CHRAC1: variants seen among roughly 807,000 people sequenced by gnomAD.
CHRAC1 encodes the protein chromatin accessibility complex subunit 1.
Under a neutral mutation model 9.1 loss-of-function variants are expected in CHRAC1, and 6 were observed. The observed-to-expected ratio is 0.66, with a 90% CI of 0.36 to 1.29. The LOEUF (loss-of-function observed/expected upper bound fraction) is 1.29. CHRAC1 is among the 50% of genes most tolerant of loss of function. The pLI is 0.03. For synonymous variants in CHRAC1, 73 were observed against 64.5 expected (o/e 1.13, Z -0.63); for missense variants, 168 against 163.5 (o/e 1.03, Z -0.15).
At chr8:140,511,785 G>A in intron 1 of CHRAC1, 139 bp downstream of exon 1, 3 of 905,704 alleles carry the variant, frequency 3.3e-6, no homozygotes, top group Admixed American at 2.8e-5. Context: ...CGCTGTCCCC[G>A]TCCCACGCCG....
chr8:140,511,340 T>C lies in CHRAC1; in HGVS notation c.-160T>C, dbSNP rs1026205572. The C allele has an allele frequency of 3.8e-5, 20 of 527,524 alleles. No individual in the cohort carries two copies. Among genetic ancestry groups the C allele is most frequent in the Non-Finnish European group, 5.2e-5 (18 of 346,192 alleles). The allele number at this position is 527,524 out of a possible 1,614,324, so 32.7% of individuals were successfully genotyped here. A position where few individuals can be genotyped will look rare whatever the true frequency, so the allele number is the denominator to read the frequency against. On this transcript the variant is annotated 5_prime_UTR_variant, in exon 1 of 3. Transcript: ENST00000220913. ...GCGAGGCCTCACGGAGCTCGTAGTTTCCCGGACGGGCCGCTCCCGGCCTCG... is the reference window on the plus strand; with the variant it reads ...GCGAGGCCTCACGGAGCTCGTAGTTCCCCGGACGGGCCGCTCCCGGCCTCG...
At chr8:140,512,063 C>T (rs1000079419) in intron 1 of CHRAC1, 1 of 1,266,824 alleles carries the variant, frequency 7.9e-7, no homozygotes, top group Non-Finnish European at 1.0e-6. Flanking sequence ...TTTCGTCCCT[C>T]CCACCTGTGC....
At chr8:140,515,052 A>T (rs2072319261) in intron 2 of CHRAC1, 74 bp from the exon 3 acceptor site, 5 of 1,437,270 alleles carry the variant, frequency 3.5e-6, no homozygotes, top group Non-Finnish European at 4.8e-6. Context: ...AGGAACTAGT[A>T]CATTTTGAAA....
At position 140,515,893 on chromosome 8, in the gene CHRAC1, A is replaced by T. The variant is rs2072330352; in HGVS notation, c.*646A>T. 1 of 152,206 alleles carries T rather than the reference A, an allele frequency of 6.6e-6. No homozygotes were observed. The highest frequency in any genetic ancestry group is 1.5e-5 in the Non-Finnish European group (1 of 68,038). 9.4% of individuals were successfully genotyped at this position (152,206 alleles called of 1,614,324 possible). Reference sequence around the variant, plus strand: ...GAAATTTAAAAATAAGCATTCTAACACTTTTATTCCCACAGAAAAATTCCA... The same window carrying T: ...GAAATTTAAAAATAAGCATTCTAACTCTTTTATTCCCACAGAAAAATTCCA... On this transcript the variant is annotated 3_prime_UTR_variant, in exon 3 of 3. Coordinates refer to ENST00000220913, the MANE Select transcript of CHRAC1 (RefSeq NM_017444.6).
At position 140,516,868 on chromosome 8, in the gene CHRAC1, A is replaced by G. The variant is rs1212782168; in HGVS notation, c.*1621A>G. 2.0e-5 allele frequency: 3 copies of G among 152,166 alleles called. No homozygotes were observed. The highest frequency in any genetic ancestry group is 1.9e-4 in the East Asian group (1 of 5,176). The allele number at this position is 152,166 out of a possible 1,614,324, so 9.4% of individuals were successfully genotyped here. ...TCTGTCCCTATACCAGGTGTCATCA[A>G]ATTTTTTTCTGGAAAGGGCCATGCA... On this transcript the variant is annotated 3_prime_UTR_variant, in exon 3 of 3. Coordinates refer to ENST00000220913, the MANE Select transcript of CHRAC1 (RefSeq NM_017444.6).
chr8:140,515,438 G>A lies in CHRAC1; in HGVS notation c.*191G>A. The A allele has an allele frequency of 2.2e-6, 1 of 452,264 alleles. No homozygotes were observed. Among genetic ancestry groups the A allele is most frequent in the African/African-American group, 2.0e-5 (1 of 50,128 alleles). The allele number at this position is 452,264 out of a possible 1,614,324, so 28.0% of individuals were successfully genotyped here. Reference sequence around the variant, plus strand: ...CATGTACCTACGCCACAGACAGCCAGAGGGAAAGCGACCCAGACAGCAGCC... The same window carrying A: ...CATGTACCTACGCCACAGACAGCCAAAGGGAAAGCGACCCAGACAGCAGCC... On this transcript the variant is annotated 3_prime_UTR_variant, in exon 3 of 3. Transcript: ENST00000220913.
At position 140,511,384 on chromosome 8, in the gene CHRAC1, C is replaced by G; in HGVS notation, c.-116C>G. ...GGCCTCGCGGCCTCGCCTCCCCACA[C>G]TACAACTCCCACGGGGCAGCGGGCG... On this transcript the variant is annotated 5_prime_UTR_variant, in exon 1 of 3. Transcript: ENST00000220913. 9.9e-7 allele frequency: 1 copy of G among 1,007,856 alleles called. No homozygotes were observed. Among genetic ancestry groups the G allele is most frequent in the Non-Finnish European group, 1.3e-6 (1 of 767,420 alleles). The allele number at this position is 1,007,856 out of a possible 1,614,324, so 62.4% of individuals were successfully genotyped here.
intron 1 of CHRAC1, among the ~76,000 whole-genome samples, chr8:140,513,913 C>CTT (rs57880666): frequency 0.038 from 3,295 of 87,356 alleles, 85 homozygotes; most frequent in East Asian, 0.077. Context: ...CCAGTGATTT[C>CTT]TTTTTTTTTT....
At chr8:140,514,561 T>A in intron 2 of CHRAC1, 66 bp downstream of exon 2, 1 of 1,351,344 alleles carries the variant, frequency 7.4e-7, no homozygotes, top group South Asian at 1.5e-5. Context: ...TCCCCACCCC[T>A]TGCCTCCCTT....
At chr8:140,512,794 A>G (rs779388116) in intron 1 of CHRAC1, among the ~76,000 whole-genome samples, 16 of 152,194 alleles carry the variant, frequency 1.1e-4, no homozygotes, top group Non-Finnish European at 2.4e-4. Context: ...TTCTATTGGT[A>G]TTAAGGAATG....
intron 2 of CHRAC1, 145 bp downstream of exon 2, chr8:140,514,640 G>A (rs2072315643): frequency 1.7e-6 from 1 of 580,398 alleles, no homozygotes; most frequent in African/African-American, 1.9e-5. Context: ...GTTGTCACAG[G>A]AAGATACTTT....
chr8:140,515,139 G>C lies in CHRAC1; in HGVS notation c.288G>C (p.Lys96Asn), dbSNP rs140626835. Residue 96 changes from lysine (K) to asparagine (N), a missense_variant, in exon 3 of 3, where the codon AAG becomes AAC. Lys to Asn is a moderately conservative substitution (Grantham distance 94, BLOSUM62 0). Transcript: ENST00000220913. ...TATGTTTTTAAGATATATTACCAAA[G>C]AAGATTTTAGCTAGTAAATACCTGA... ...TFQFLADILP[K>N]KILASKYLKM... is the part of the protein sequence containing the mutation. The C allele has an allele frequency of 5.0e-6, 8 of 1,611,708 alleles. No individual in the cohort carries two copies.
intron 2 of CHRAC1, 175 bp from the exon 3 acceptor site, chr8:140,514,951 G>A (rs1434987312): frequency 4.8e-6 from 3 of 622,034 alleles, no homozygotes; most frequent in African/African-American, 3.7e-5. Flanking sequence ...TATAGCGTTC[G>A]TTAGGAGACA....
intron 2 of CHRAC1, chr8:140,514,736 C>T (rs771883518): frequency 2.3e-5 from 9 of 399,272 alleles, no homozygotes; most frequent in African/African-American, 6.3e-5. Context: ...GTTGGTTGGC[C>T]GCGTATGCTG....
intron 2 of CHRAC1, 22 bp downstream of exon 2, chr8:140,514,517 C>T (rs934780343): frequency 1.3e-6 from 2 of 1,529,670 alleles, no homozygotes; most frequent in African/African-American, 2.9e-5. Context: ...TTGAAACATT[C>T]TGGTTAAAAA....
intron 1 of CHRAC1, among the ~76,000 whole-genome samples, chr8:140,512,611 C>G (rs74333573): frequency 0.011 from 1,614 of 152,218 alleles, 42 homozygotes; most frequent in African/African-American, 0.037. Context: ...CCAGTCCCTA[C>G]TTGTAGTTAA....
rs752748414 is a variant in CHRAC1 at position 140,511,562 on chromosome 8, A to G, written c.63A>G (p.Leu21=). ...AGCAGCGGCTCATCTCGCTGCCTCT[A>G]TCCCGCATCCGGGTCATCATGAAGA... The part of the protein sequence containing the change: ...GGEQRLISLP[L]SRIRVIMKSS... Residue 21 remains leucine (L), a synonymous_variant, in exon 1 of 3, where the codon CTA becomes CTG. Coordinates refer to ENST00000220913, the MANE Select transcript of CHRAC1 (RefSeq NM_017444.6). 64 of 1,462,676 alleles carry G rather than the reference A, an allele frequency of 4.4e-5. No homozygotes were observed. The Middle Eastern group carries it at 1.1e-3, about 25-fold the overall frequency. The allele number at this position is 1,462,676 out of a possible 1,614,324, so 90.6% of individuals were successfully genotyped here. A position where few individuals can be genotyped will look rare whatever the true frequency, so the allele number is the denominator to read the frequency against.
chr8:140,515,626 TA>T lies in CHRAC1; in HGVS notation c.*380del, dbSNP rs11361317. The T allele has an allele frequency of 0.82, 128,840 of 157,514 alleles. 53,060 individuals are homozygous for T. Among genetic ancestry groups the T allele is most frequent in the Non-Finnish European group, 0.87 (62,049 of 71,576 alleles). The allele number at this position is 157,514 out of a possible 1,614,324, so 9.8% of individuals were successfully genotyped here. A position where few individuals can be genotyped will look rare whatever the true frequency, so the allele number is the denominator to read the frequency against. On this transcript the variant is annotated 3_prime_UTR_variant, in exon 3 of 3. Transcript: ENST00000220913. ...TCGGTTATGTAAATTCATATATGTATATTTTGGAATCAGTTCTTATAAACAG... is the reference window on the plus strand; with the variant it reads ...TCGGTTATGTAAATTCATATATGTATTTTTGGAATCAGTTCTTATAAACAG...
rs1224566929 is a variant in CHRAC1 at position 140,516,948 on chromosome 8, C to T, written c.*1701C>T. 2 of 152,238 alleles carry T rather than the reference C, an allele frequency of 1.3e-5. No individual in the cohort carries two copies. Among genetic ancestry groups the T allele is most frequent in the African/African-American group, 4.8e-5 (2 of 41,534 alleles). The allele number at this position is 152,238 out of a possible 1,614,324, so 9.4% of individuals were successfully genotyped here. On this transcript the variant is annotated 3_prime_UTR_variant, in exon 3 of 3. Coordinates refer to ENST00000220913, the MANE Select transcript of CHRAC1 (RefSeq NM_017444.6). ...TAGTCTCTGTTGCTGCTGCTGAACT[C>T]AGCTGTTGTAGCACGAAAGCAGCCA...
Sources: allele counts gnomAD v4.1 joint callset (sites outside exome capture counted in the v4.1 genomes callset), GRCh38; gene constraint gnomAD v4.1.1; transcripts MANE v1.5; gene names NCBI Gene and HGNC (gene_info 2026-07-23, HGNC 2026-07-21).